Variants in PCDH11Y observed in about 807,000 individuals in gnomAD.
PCDH11Y encodes the protein protocadherin 11 Y-linked.
For synonymous variants in PCDH11Y, 9 were observed against 83.6 expected (o/e 0.11, Z 4.87); for missense variants, 12 against 224.8 (o/e 0.05, Z 6.05).
At chrY:5,353,338 T>C in intron 2 of PCDH11Y, among the ~76,000 whole-genome samples, 1 of 32,104 alleles carries the variant, frequency 3.1e-5, no homozygotes, top group South Asian at 6.9e-4. Flanking sequence ...TCCTGTTTAA[T>C]CAGAAAATAA....
chrY:5,411,510 G>A, intron 2 of PCDH11Y, among the ~76,000 whole-genome samples: 1 of 30,661 alleles, frequency 3.3e-5, no homozygotes, highest in African/African-American at 1.3e-4. Flanking sequence ...TCTTTGCCAG[G>A]TCCTATGTCC....
At chrY:5,304,037 A>C in intron 2 of PCDH11Y, among the ~76,000 whole-genome samples, 3 of 32,311 alleles carry the variant, frequency 9.3e-5, no homozygotes, top group Non-Finnish European at 1.5e-4. Context: ...AGTGCAATGT[A>C]GTGCAAGAAG....
At chrY:5,625,957 T>G in intron 4 of PCDH11Y, among the ~76,000 whole-genome samples, 1 of 30,012 alleles carries the variant, frequency 3.3e-5, no homozygotes, top group Non-Finnish European at 8.0e-5. Flanking sequence ...CTATAATTTT[T>G]TGGAATCATT....
chrY:5,277,987 C>T, intron 2 of PCDH11Y, among the ~76,000 whole-genome samples: 1 of 31,043 alleles, frequency 3.2e-5, no homozygotes, highest in South Asian at 7.4e-4. Flanking sequence ...TAATTCATAA[C>T]TACCTATCTA....
chrY:5,712,144 CA>C (rs2053587176), intron 4 of PCDH11Y, among the ~76,000 whole-genome samples: 1 of 32,053 alleles, frequency 3.1e-5, no homozygotes, highest in South Asian at 7.2e-4. Context: ...AAAATAAAGA[CA>C]GTTAAAAGAT....
chrY:5,056,313 T>C, exon 1 of PCDH11Y: 1 of 135,868 alleles, frequency 7.4e-6, no homozygotes, highest in Non-Finnish European at 9.3e-6. Flanking sequence ...TCAACCCCTC[T>C]CCTCTCCCAA....
At chrY:5,025,338 G>C in intron 1 of PCDH11Y, among the ~76,000 whole-genome samples, 2 of 32,724 alleles carry the variant, frequency 6.1e-5, no homozygotes, top group Non-Finnish European at 1.5e-4. Flanking sequence ...AGGACTTGCA[G>C]GAGTTTGCTA....
intron 1 of PCDH11Y, among the ~76,000 whole-genome samples, chrY:5,028,506 G>A: frequency 3.1e-5 from 1 of 32,455 alleles, no homozygotes; most frequent in Non-Finnish European, 7.5e-5. Flanking sequence ...CACAGTGGCT[G>A]AAAGCCCATA....
At chrY:5,164,296 T>C in intron 2 of PCDH11Y, among the ~76,000 whole-genome samples, 1 of 32,131 alleles carries the variant, frequency 3.1e-5, no homozygotes, top group African/African-American at 1.2e-4. Flanking sequence ...CCCAAAGTGT[T>C]GGAATTATAG....
At chrY:5,637,334 A>T (rs2053518852) in intron 4 of PCDH11Y, among the ~76,000 whole-genome samples, 1 of 33,288 alleles carries the variant, frequency 3.0e-5, no homozygotes, top group Non-Finnish European at 7.5e-5. Context: ...TCTGCCTTAA[A>T]CCTCTTTGTG....
At chrY:5,543,331 T>C (rs2053409767) in intron 3 of PCDH11Y, among the ~76,000 whole-genome samples, 3 of 34,280 alleles carry the variant, frequency 8.8e-5, no homozygotes, top group African/African-American at 3.4e-4. Context: ...TTTTGAACTT[T>C]TGTACTCTAT....
intron 4 of PCDH11Y, among the ~76,000 whole-genome samples, chrY:5,688,558 T>TA (rs2053565475): frequency 4.5e-4 from 14 of 31,391 alleles, no homozygotes; most frequent in Admixed American, 4.1e-3. Context: ...ATGTGGCTTT[T>TA]AAAAAAATGT....
chrY:5,477,618 C>T (rs2053320763), intron 2 of PCDH11Y, among the ~76,000 whole-genome samples: 1 of 31,419 alleles, frequency 3.2e-5, no homozygotes, highest in Non-Finnish European at 7.7e-5. Flanking sequence ...TGGGAGAATT[C>T]GGCTATGAAT....
chrY:5,298,388 T>C (rs2053077629), intron 2 of PCDH11Y, among the ~76,000 whole-genome samples: 1 of 32,808 alleles, frequency 3.0e-5, no homozygotes, highest in Non-Finnish European at 7.5e-5. Context: ...GTTTGTTTTG[T>C]ACAGAAAAAT....
intron 2 of PCDH11Y, among the ~76,000 whole-genome samples, chrY:5,215,087 C>T: frequency 3.1e-5 from 1 of 32,749 alleles, no homozygotes; most frequent in African/African-American, 1.2e-4. Flanking sequence ...GAGTGATTTT[C>T]AATTGAAATC....
chrY:5,537,380 C>G, intron 3 of PCDH11Y, among the ~76,000 whole-genome samples: 2 of 23,502 alleles, frequency 8.5e-5, no homozygotes, highest in Non-Finnish European at 9.8e-5. Flanking sequence ...TGATTTTTTT[C>G]TTTATTTGTT....
chrY:5,469,621 G>A (rs2053311466), intron 2 of PCDH11Y, among the ~76,000 whole-genome samples: 1 of 33,260 alleles, frequency 3.0e-5, no homozygotes, highest in African/African-American at 1.2e-4. Flanking sequence ...AGGGCAATAT[G>A]GACTTTGGTT....
chrY:5,653,373 A>G, intron 4 of PCDH11Y, among the ~76,000 whole-genome samples: 1 of 33,069 alleles, frequency 3.0e-5, no homozygotes, highest in South Asian at 6.8e-4. Flanking sequence ...AAAAAATATT[A>G]GACGAATAGC....
chrY:5,703,107 A>C, intron 4 of PCDH11Y, among the ~76,000 whole-genome samples: 1 of 33,498 alleles, frequency 3.0e-5, no homozygotes, highest in African/African-American at 1.2e-4. Context: ...ACAATGATGA[A>C]ATAAAAAAGT....
Sources: allele counts gnomAD v4.1 joint callset (sites outside exome capture counted in the v4.1 genomes callset), GRCh38; gene constraint gnomAD v4.1.1; transcripts MANE v1.5; gene names NCBI Gene and HGNC (gene_info 2026-07-23, HGNC 2026-07-21).